Variants in CCDC136 observed in about 807,000 individuals in gnomAD.
CCDC136 encodes coiled-coil domain-containing protein 136.
CCDC136 carries 100 observed loss-of-function variants against 141.2 expected under a neutral mutation model. The ratio of observed to expected loss-of-function variants is 0.71; its 90% confidence interval spans 0.60 to 0.84. CCDC136 has a LOEUF of 0.84. Among genes scored for constraint, CCDC136 ranks in the 40% least tolerant of loss-of-function variants. CCDC136 has a pLI of 0.00. For missense variants in CCDC136, 1,206 were observed against 1,379.4 expected (o/e 0.87, Z 1.99); for synonymous variants, 474 against 531.9 (o/e 0.89, Z 1.50).
chr7:128,809,153 T>G, intron 10 of CCDC136: 1 of 327,612 alleles, frequency 3.1e-6, no homozygotes, highest in Non-Finnish European at 5.3e-6. Context: ...AAGGGGGAAA[T>G]GAGAAAGGGG....
chr7:128,798,744 G>T (rs1012537959), intron 3 of CCDC136, among the ~76,000 whole-genome samples: 19 of 152,134 alleles, frequency 1.2e-4, no homozygotes, highest in African/African-American at 4.3e-4. Context: ...GCTCAGTAGT[G>T]GGGGTAGAGC....
At chr7:128,816,917 T>C (rs1156520657) in intron 16 of CCDC136, among the ~76,000 whole-genome samples, 1 of 152,244 alleles carries the variant, frequency 6.6e-6, no homozygotes, top group East Asian at 1.9e-4. Context: ...CAGTGTGCAG[T>C]GCTCTGCTTA....
intron 3 of CCDC136, among the ~76,000 whole-genome samples, chr7:128,798,274 C>T (rs534805707): frequency 6.7e-6 from 1 of 150,344 alleles, no homozygotes; most frequent in African/African-American, 2.4e-5. Flanking sequence ...TGTTTTGAGA[C>T]GAAGTCTTGC....
rs755961907 is a variant in CCDC136, at chr7:128,804,751, G to C, written c.772G>C (p.Glu258Gln). 9 of 1,587,960 alleles carry C rather than the reference G, an allele frequency of 5.7e-6. No homozygotes were observed. Among genetic ancestry groups the C allele is most frequent in the Non-Finnish European group, 7.7e-6 (9 of 1,164,532 alleles). ...CCTCACGGGGCAGCTTGCAGATCTG[G>C]AGAGTGAGAGGTACAGCTGTCTCTG... ...SSLTGQLADL[E>Q]SERTQRATER... Residue 258 changes from glutamate (E) to glutamine (Q), a missense_variant, in exon 5 of 18, where the codon GAG becomes CAG. By Grantham distance (29) the Glu-to-Gln change is conservative. Transcript: ENST00000297788.
chr7:128,792,101 G>A lies in CCDC136; in HGVS notation c.-311G>A. ...CCTCTTTCTTTCTGTGCAAGCAAGA[G>A]GGTCCTGGAACAGCGGGTTCTGAGG... On this transcript the variant is annotated 5_prime_UTR_variant, in exon 1 of 18. Transcript: ENST00000297788. 7.2e-7 allele frequency: 1 copy of A among 1,380,300 alleles called. No individual in the cohort carries two copies. Among genetic ancestry groups the A allele is most frequent in the East Asian group, 3.0e-5 (1 of 33,622 alleles). The allele number at this position is 1,380,300 out of a possible 1,614,324, so 85.5% of individuals were successfully genotyped here.
At chr7:128,796,739 A>ATATATATATATATATATATATT in intron 3 of CCDC136, among the ~76,000 whole-genome samples, 2 of 113,382 alleles carry the variant, frequency 1.8e-5, no homozygotes, top group African/African-American at 9.2e-5. Flanking sequence ...ATATATATAT[A>ATATATATATATATATATATATT]TTCTTTTTTT....
chr7:128,792,526 C>A (rs1802336391), intron 1 of CCDC136, 99 bp downstream of exon 1: 31 of 871,064 alleles, frequency 3.6e-5, no homozygotes, highest in Non-Finnish European at 5.2e-5. Flanking sequence ...CAGGACACAG[C>A]CCTTCCCTCA....
Position 128,801,452 on chromosome 7 carries a change from A to G in CCDC136, c.613A>G (p.Met205Val), listed in dbSNP as rs1804008424. 1 of 1,613,366 alleles carries G rather than the reference A, an allele frequency of 6.2e-7. No homozygotes were observed. The highest frequency in any genetic ancestry group is 8.5e-7 in the Non-Finnish European group (1 of 1,179,754). ...EIASLRAEME[M>V]KSSEPSGSLG... is the part of the protein sequence containing the mutation. ...CGCCTCCCTCCGTGCAGAAATGGAAATGAAGAGCTCTGAACCATCCGGTAG... is the reference window on the plus strand; with the variant it reads ...CGCCTCCCTCCGTGCAGAAATGGAAGTGAAGAGCTCTGAACCATCCGGTAG... Residue 205 changes from methionine to valine, a missense_variant, in exon 4 of 18, where the codon ATG (methionine) becomes GTG (valine). Physicochemically the swap from Met to Val is conservative, Grantham distance 21. Transcript: ENST00000297788.
chr7:128,791,898 G>A (rs1802221455), upstream of CCDC136: 1 of 501,454 alleles, frequency 2.0e-6, no homozygotes, highest in African/African-American at 2.0e-5. The surrounding 1 kb of genome is among the most constrained non-coding windows in gnomAD (Gnocchi z 7.1). Flanking sequence ...TCCAGCGAGA[G>A]AATGGGAGGA....
chr7:128,796,739 A>ATATTTTTTTTTTTT, intron 3 of CCDC136, among the ~76,000 whole-genome samples: 1 of 113,376 alleles, frequency 8.8e-6, no homozygotes, highest in Non-Finnish European at 1.7e-5. Flanking sequence ...ATATATATAT[A>ATATTTTTTTTTTTT]TTCTTTTTTT....
In CCDC136 at chr7:128,794,512, C is replaced by T; in HGVS notation, c.181C>T (p.Leu61=). The change falls in exon 2 of 18, where the codon CTG becomes TTG. Residue 61 remains leucine, a synonymous_variant. Transcript: ENST00000297788. The surrounding 1 kb of genome is among the most constrained non-coding windows in gnomAD (Gnocchi z 4.3). The part of the protein sequence containing the change: ...LSLTETELEE[L]RAQVLQLVAE... The stretch of plus-strand genomic sequence containing the variant: ...CCTCACGGAGACAGAGCTGGAGGAG[C>T]TGCGGGCTCAGGTGCTGCAGCTGGT... 1 of 1,552,838 alleles carries T rather than the reference C, an allele frequency of 6.4e-7. No homozygotes were observed. Among genetic ancestry groups the T allele is most frequent in the Non-Finnish European group, 8.7e-7 (1 of 1,147,626 alleles).
Position 128,809,434 on chromosome 7 carries a change from C to A in CCDC136, c.1606-16C>A. 2.0e-6 allele frequency: 3 copies of A among 1,467,862 alleles called. No homozygotes were observed. The highest frequency in any genetic ancestry group is 1.2e-5 in the South Asian group (1 of 82,312). The allele number at this position is 1,467,862 out of a possible 1,614,324, so 90.9% of individuals were successfully genotyped here. On this transcript the variant is annotated splice_polypyrimidine_tract_variant and intron_variant, in intron 10 of 17. Coordinates refer to ENST00000297788, the MANE Select transcript of CCDC136 (RefSeq NM_022742.5). ...TACAGAGTAACCACCCCCTCCACAC[C>A]CGCCCCCACCCACAGTGTGACACAC...
Position 128,804,179 on chromosome 7 carries a change from T to G in CCDC136, c.671-471T>G, listed in dbSNP as rs963534724. ...GGGAATAAAGAACATAAAAGGAAAC[T>G]CAGAATGCCTGAAAGGCAGGTACTG... On this transcript the variant is annotated intron_variant, in intron 4 of 17. Transcript: ENST00000297788. Among the ~76,000 whole-genome samples, 4 of 152,216 alleles carry G rather than the reference T, an allele frequency of 2.6e-5. No homozygotes were observed. In the East Asian group the frequency reaches 7.7e-4, roughly 29 times the overall value.
chr7:128,811,298 C>CTAGAGAG (rs750955034), intron 12 of CCDC136: 1 of 210,982 alleles, frequency 4.7e-6, no homozygotes, highest in Non-Finnish European at 8.4e-6. Context: ...GAAGCCAGGC[C>CTAGAGAG]CAACATGCCC....
At position 128,817,744 on chromosome 7, in the gene CCDC136, TTGG is replaced by T. The variant is rs1459918590; in HGVS notation, c.3364-11_3364-9del. 3 of 1,573,548 alleles carry T rather than the reference TTGG, an allele frequency of 1.9e-6. No individual in the cohort carries two copies. Among genetic ancestry groups the T allele is most frequent in the Admixed American group, 3.3e-5 (2 of 59,972 alleles). On this transcript the variant is annotated splice_polypyrimidine_tract_variant and intron_variant, in intron 16 of 17. Transcript: ENST00000297788. The surrounding 1 kb of genome is among the most constrained non-coding windows in gnomAD (Gnocchi z 4.6). Reference sequence around the variant, plus strand: ...TCTCTCCTCGTGCTTCTTTCTCATTTTGGTGTGTTGCAGTCATCCCCTACCCCC... The same window carrying T: ...TCTCTCCTCGTGCTTCTTTCTCATTTTGTGTTGCAGTCATCCCCTACCCCC...
In CCDC136 at chr7:128,821,667, G is replaced by GT. The variant is rs1271497730; in HGVS notation, c.*6-130dup. 1 of 577,522 alleles carries GT rather than the reference G, an allele frequency of 1.7e-6. No individual in the cohort carries two copies. Among genetic ancestry groups the GT allele is most frequent in the East Asian group, 6.8e-5 (1 of 14,648 alleles). 35.8% of individuals were successfully genotyped at this position (577,522 alleles called of 1,614,324 possible). A position where few individuals can be genotyped will look rare whatever the true frequency, so the allele number is the denominator to read the frequency against. On this transcript the variant is annotated intron_variant, in intron 17 of 17. Coordinates refer to ENST00000297788, the MANE Select transcript of CCDC136 (RefSeq NM_022742.5). This position sits in a 1 kb window ranked among gnomAD's most constrained non-coding sequence, Gnocchi z 5.1. The stretch of plus-strand genomic sequence containing the variant: ...ACTGAGAGATCACTTACCTCCACCG[G>GT]TTACCCAGGAGGTAACAGAGACTGA...
chr7:128,816,317 G>A (rs1009476291), intron 16 of CCDC136, among the ~76,000 whole-genome samples: 10 of 152,168 alleles, frequency 6.6e-5, no homozygotes, highest in African/African-American at 9.7e-5. Flanking sequence ...CATTTCTGTC[G>A]GTCTGGGCAA....
chr7:128,799,817 C>T (rs1348175013), intron 3 of CCDC136, among the ~76,000 whole-genome samples: 1 of 152,160 alleles, frequency 6.6e-6, no homozygotes, highest in African/African-American at 2.4e-5. Flanking sequence ...CCCTCAAATC[C>T]TAAATTCACT....
chr7:128,810,623 A>G lies in CCDC136; in HGVS notation c.2028+257A>G, dbSNP rs140146168. On this transcript the variant is annotated intron_variant, in intron 12 of 17. Coordinates refer to ENST00000297788, the MANE Select transcript of CCDC136 (RefSeq NM_022742.5). ...ATTCACAGTGCCCAGTTGAAGCACTATGAGCACTCAGGGCAGAGCTGGGAT... is the reference window on the plus strand; with the variant it reads ...ATTCACAGTGCCCAGTTGAAGCACTGTGAGCACTCAGGGCAGAGCTGGGAT... 2.0e-4 allele frequency among the ~76,000 whole-genome samples: 30 copies of G among 152,350 alleles called. No homozygotes were observed. The East Asian group carries it at 4.0e-3, about 21-fold the overall frequency.
Sources: allele counts gnomAD v4.1 joint callset (sites outside exome capture counted in the v4.1 genomes callset), GRCh38; gene constraint gnomAD v4.1.1; non-coding constraint Gnocchi (gnomAD v3.1); transcripts MANE v1.5; gene names NCBI Gene and HGNC (gene_info 2026-07-23, HGNC 2026-07-21).